The following LACC1 variants were observed in gnomAD, a reference collection of about 807,000 sequenced individuals.
The protein encoded by LACC1 is purine nucleoside phosphorylase LACC1.
LACC1 carries 25 observed loss-of-function variants against 34.8 expected under a neutral mutation model. The observed-to-expected ratio is 0.72, with a 90% CI of 0.52 to 1.00. The LOEUF (loss-of-function observed/expected upper bound fraction) is 1.00, where lower values mean the gene tolerates loss of function less well. LACC1 is among the 50% of genes least tolerant of loss of function. The pLI is 0.00. For missense variants in LACC1, 426 were observed against 511.2 expected, an observed-to-expected ratio of 0.83 and a Z score of 1.61; for synonymous variants, 162 against 168.0, an observed-to-expected ratio of 0.96 and a Z score of 0.28.
intron 4 of LACC1, among the ~76,000 whole-genome samples, chr13:43,884,983 A>T (rs1955245989): frequency 6.6e-6 from 1 of 152,188 alleles, no homozygotes; most frequent in African/African-American, 2.4e-5. Flanking sequence ...ATAAATGTGA[A>T]TTTCAAGTCA....
chr13:43,882,069 C>A, intron 2 of LACC1, 116 bp from the exon 3 acceptor site: 1 of 694,706 alleles, frequency 1.4e-6, no homozygotes, highest in Non-Finnish European at 2.3e-6. Flanking sequence ...GTACAAAATG[C>A]CATAGAAATT....
rs755684178 is a variant in LACC1 at position 43,882,321 on chromosome 13, G to A, written c.699G>A (p.Ala233=). 16 of 1,613,380 alleles carry A rather than the reference G, an allele frequency of 9.9e-6. No homozygotes were observed. Among genetic ancestry groups the A allele is most frequent in the African/African-American group, 5.3e-5 (4 of 74,872 alleles). The change falls in exon 3 of 7, where the codon GCG becomes GCA. Residue 233 remains alanine (A), a synonymous_variant. Coordinates refer to ENST00000325686, the MANE Select transcript of LACC1 (RefSeq NM_153218.4). The stretch of plus-strand genomic sequence containing the variant: ...TTCAAGAAAATCTGCGTAGGTTGGC[G>A]AATGCTGCAGGATTTAATGTGGAGA... ...VVVQENLRRL[A]NAAGFNVEKF...
At chr13:43,885,752 T>C (rs917651205) in intron 4 of LACC1, among the ~76,000 whole-genome samples, 3 of 151,736 alleles carry the variant, frequency 2.0e-5, no homozygotes, top group Non-Finnish European at 4.4e-5. Context: ...ACAAAAATAG[T>C]CAAGTGGGAC....
Position 43,881,447 on chromosome 13 carries a change from T to C in LACC1, c.462T>C (p.Ala154=). 6.2e-7 allele frequency: 1 copy of C among 1,614,026 alleles called. No homozygotes were observed. The highest frequency in any genetic ancestry group is 1.1e-5 in the South Asian group (1 of 91,078). The change falls in exon 2 of 7, where the codon GCT becomes GCC. Residue 154 remains alanine (A), a synonymous_variant. Coordinates refer to ENST00000325686, the MANE Select transcript of LACC1 (RefSeq NM_153218.4). ...KQSIEINVIT[A]QELRGIQNEI... Reference sequence around the variant, plus strand: ...CCATTGAAATAAACGTAATCACAGCTCAAGAACTAAGAGGAATTCAGAATG... The same window carrying C: ...CCATTGAAATAAACGTAATCACAGCCCAAGAACTAAGAGGAATTCAGAATG...
At chr13:43,890,960 C>G (rs1955544474) in intron 6 of LACC1, among the ~76,000 whole-genome samples, 1 of 152,158 alleles carries the variant, frequency 6.6e-6, no homozygotes, top group Non-Finnish European at 1.5e-5. Context: ...ACTTTGTTTA[C>G]AAAAATCAGG....
At chr13:43,889,780 A>G (rs528520248) in intron 5 of LACC1, among the ~76,000 whole-genome samples, 1 of 152,362 alleles carries the variant, frequency 6.6e-6, no homozygotes, top group South Asian at 2.1e-4. Context: ...TGGCTGAGCC[A>G]GGTGAATTTT....
intron 3 of LACC1, among the ~76,000 whole-genome samples, chr13:43,882,581 A>ATATATG (rs1441736559): frequency 6.7e-6 from 1 of 148,258 alleles, no homozygotes; most frequent in Non-Finnish European, 1.5e-5. Context: ...ATATATATAT[A>ATATATG]TATATGCACA....
upstream of LACC1, chr13:43,879,427 TC>T (rs1290053130): frequency 5.2e-5 from 8 of 152,870 alleles, no homozygotes; most frequent in African/African-American, 1.7e-4. Context: ...CCCGCCTGGC[TC>T]CCGGGCGAGA....
Position 43,888,854 on chromosome 13 carries a change from A to G in LACC1, c.1005A>G (p.Gly335=). 1 of 1,613,870 alleles carries G rather than the reference A, an allele frequency of 6.2e-7. No homozygotes were observed. Among genetic ancestry groups the G allele is most frequent in the Non-Finnish European group, 8.5e-7 (1 of 1,179,826 alleles). ...CSLEDIVVVL[G]PSVGPCCFTL... is the part of the protein sequence containing the mutation. The stretch of plus-strand genomic sequence containing the variant: ...TGGAAGACATTGTTGTTGTACTTGG[A>G]CCTTCAGTAGGACCTTGCTGTTTTA... Residue 335 remains glycine (G), a synonymous_variant, in exon 5 of 7, where the codon GGA becomes GGG. Coordinates refer to ENST00000325686, the MANE Select transcript of LACC1 (RefSeq NM_153218.4).
Position 43,881,344 on chromosome 13 carries a change from A to T in LACC1, c.359A>T (p.Asp120Val). Residue 120 changes from aspartate (D) to valine (V), a missense_variant, in exon 2 of 7, where the codon GAT becomes GTT. Asp to Val is a radical substitution (Grantham distance 152). This residue lies in a region of LACC1 where 217 missense variants were observed against 210.9 expected (regional missense o/e 1.03). Transcript: ENST00000325686. Reference protein sequence around the residue: ...HRKTLMKAFIDQLFTDVYNFE... With the variant: ...HRKTLMKAFIVQLFTDVYNFE... The stretch of plus-strand genomic sequence containing the variant: ...AAGACATTAATGAAAGCTTTTATTG[A>T]TCAACTCTTCACTGATGTTTACAAT... 1 of 1,613,982 alleles carries T rather than the reference A, an allele frequency of 6.2e-7. No individual in the cohort carries two copies. Among genetic ancestry groups the T allele is most frequent in the Non-Finnish European group, 8.5e-7 (1 of 1,179,944 alleles).
rs1314010149 is a variant in LACC1, at chr13:43,891,402, A to G, written c.*2-47A>G. The G allele has an allele frequency of 7.7e-6, 7 of 906,790 alleles. No individual in the cohort carries two copies. The African/African-American group carries it at 1.3e-4, about 16-fold the overall frequency. The allele number at this position is 906,790 out of a possible 1,614,324, so 56.2% of individuals were successfully genotyped here. A position where few individuals can be genotyped will look rare whatever the true frequency, so the allele number is the denominator to read the frequency against. On this transcript the variant is annotated intron_variant, in intron 6 of 6. Transcript: ENST00000325686. ...TTCATGACTCTTACCTTGATATTCT[A>G]ATAACACCAGTAAGCGTCTCATATT...
chr13:43,886,082 G>A (rs1044689752), intron 4 of LACC1, among the ~76,000 whole-genome samples: 1 of 152,040 alleles, frequency 6.6e-6, no homozygotes, highest in Non-Finnish European at 1.5e-5. Context: ...CAGAATGGCT[G>A]TTATAAAAAA....
At chr13:43,883,730 A>C in intron 3 of LACC1, 41 bp from the exon 4 acceptor site, 1 of 1,513,176 alleles carries the variant, frequency 6.6e-7, no homozygotes, top group Non-Finnish European at 9.0e-7. Context: ...TATAAGAAAT[A>C]CTATTTCCAA....
chr13:43,885,102 A>C (rs900352359), intron 4 of LACC1, among the ~76,000 whole-genome samples: 1 of 152,232 alleles, frequency 6.6e-6, no homozygotes, highest in Non-Finnish European at 1.5e-5. Context: ...GAAAGAAAGC[A>C]GAGATAATAT....
Position 43,882,377 on chromosome 13 carries a change from T to C in LACC1, c.741+14T>C. 2 of 1,595,956 alleles carry C rather than the reference T, an allele frequency of 1.3e-6. No homozygotes were observed. The highest frequency in any genetic ancestry group is 1.7e-6 in the Non-Finnish European group (2 of 1,171,280). On this transcript the variant is annotated intron_variant, in intron 3 of 6. Transcript: ENST00000325686. Reference sequence around the variant, plus strand: ...TACCGAATAAAGGTAAAATTTTGCTTTATATTTTGAAAGATCTAAAGTATA... The same window carrying C: ...TACCGAATAAAGGTAAAATTTTGCTCTATATTTTGAAAGATCTAAAGTATA...
chr13:43,879,321 G>A (rs1954791195), upstream of LACC1: 1 of 153,864 alleles, frequency 6.5e-6, no homozygotes, highest in South Asian at 2.0e-4. Flanking sequence ...CCGCTCCCAG[G>A]GCCCGTCGTT....
chr13:43,891,452 C>T lies in LACC1; in HGVS notation c.*5C>T, dbSNP rs1955565771. 1.0e-6 allele frequency: 1 copy of T among 983,564 alleles called. No individual in the cohort carries two copies. Among genetic ancestry groups the T allele is most frequent in the African/African-American group, 1.7e-5 (1 of 57,182 alleles). The allele number at this position is 983,564 out of a possible 1,614,324, so 60.9% of individuals were successfully genotyped here. A position where few individuals can be genotyped will look rare whatever the true frequency, so the allele number is the denominator to read the frequency against. ...TTGATTTCTATGTATTTTACAGATA[C>T]TTGACTGGATTTTTGTATAACTGCT... is the stretch of plus-strand genomic sequence containing the variant. On this transcript the variant is annotated 3_prime_UTR_variant, in exon 7 of 7. Coordinates refer to ENST00000325686, the MANE Select transcript of LACC1 (RefSeq NM_153218.4).
chr13:43,882,134 A>G (rs1955098198), intron 2 of LACC1, 51 bp from the exon 3 acceptor site: 5 of 1,413,442 alleles, frequency 3.5e-6, no homozygotes, highest in Non-Finnish European at 4.9e-6. Context: ...TAATTGAGAG[A>G]CTGGTATTTT....
chr13:43,885,079 A>G (rs1955250763), intron 4 of LACC1, among the ~76,000 whole-genome samples: 1 of 152,200 alleles, frequency 6.6e-6, no homozygotes, highest in African/African-American at 2.4e-5. Context: ...AATGAGAAGT[A>G]CAAAACACTG....
Sources: allele counts gnomAD v4.1 joint callset (sites outside exome capture counted in the v4.1 genomes callset), GRCh38; gene constraint gnomAD v4.1.1; regional missense constraint gnomAD v4.1.1; transcripts MANE v1.5; gene names NCBI Gene and HGNC (gene_info 2026-07-23, HGNC 2026-07-21).